TMEM131L: variants seen among roughly 807,000 people sequenced by gnomAD.
TMEM131L encodes transmembrane 131 like, also known as transmembrane protein 131-like.
TMEM131L carries 54 observed loss-of-function variants against 192.2 expected under a neutral mutation model. The ratio of observed to expected loss-of-function variants is 0.28; its 90% CI spans 0.23 to 0.35. The LOEUF is 0.35. Ranked by LOEUF, TMEM131L falls within the 10% of genes least tolerant of loss-of-function variation. TMEM131L has a pLI of 1.00. For synonymous variants in TMEM131L, 701 were observed against 704.9 expected (o/e 0.99, Z 0.09); for missense variants, 1,888 against 1,972.9 (o/e 0.96, Z 0.82).
At chr4:153,564,723 C>G (rs1729080414) in intron 7 of TMEM131L, among the ~76,000 whole-genome samples, 1 of 152,294 alleles carries the variant, frequency 6.6e-6, no homozygotes, top group East Asian at 1.9e-4. Context: ...CATTCTCTTT[C>G]TGCTCCAGTT....
At position 153,636,698 on chromosome 4, in the gene TMEM131L, A is replaced by AT; in HGVS notation, c.*128dup. On this transcript the variant is annotated 3_prime_UTR_variant, in exon 35 of 35. Coordinates refer to ENST00000409959, the MANE Select transcript of TMEM131L (RefSeq NM_001131007.2). ...TTTTGGCACTTTTATATGAAAATAA[A>AT]TTTTTTAATGAAATCTGGGTGCTCT... 5.2e-6 allele frequency: 5 copies of AT among 959,282 alleles called. No homozygotes were observed. In the South Asian group the frequency reaches 9.0e-5, roughly 17 times the overall value. The allele number at this position is 959,282 out of a possible 1,614,324, so 59.4% of individuals were successfully genotyped here.
chr4:153,519,988 C>T lies in TMEM131L; in HGVS notation c.240-30085C>T, dbSNP rs372567197. The stretch of plus-strand genomic sequence containing the variant: ...CCAAGTGAATGATATACACAATAGC[C>T]AGTTGCTCAGTGGAAGAACCAGAAA... On this transcript the variant is annotated intron_variant, in intron 3 of 34. Transcript: ENST00000409959. 5.6e-4 allele frequency among the ~76,000 whole-genome samples: 85 copies of T among 152,150 alleles called. 1 individual carries two copies. Among genetic ancestry groups the T allele is most frequent in the African/African-American group, 2.0e-3 (82 of 41,402 alleles).
chr4:153,521,347 G>T (rs569014947), intron 3 of TMEM131L, among the ~76,000 whole-genome samples: 2 of 152,092 alleles, frequency 1.3e-5, no homozygotes, highest in African/African-American at 2.4e-5. Flanking sequence ...TTTCAAATGC[G>T]TGTCTCCTCT....
chr4:153,597,082 T>C (rs556512517), intron 20 of TMEM131L, among the ~76,000 whole-genome samples: 35 of 152,248 alleles, frequency 2.3e-4, no homozygotes, highest in Non-Finnish European at 4.3e-4. Context: ...TAGTATCAGA[T>C]CACCTGGCAA....
chr4:153,505,503 C>G (rs1580092917), intron 3 of TMEM131L, among the ~76,000 whole-genome samples: 1 of 152,130 alleles, frequency 6.6e-6, no homozygotes, highest in Non-Finnish European at 1.5e-5. Context: ...AAGATCTTAT[C>G]TCCAAATATA....
chr4:153,550,277 A>T, intron 4 of TMEM131L, 136 bp downstream of exon 4: 1 of 464,508 alleles, frequency 2.2e-6, no homozygotes, highest in Non-Finnish European at 3.9e-6. Context: ...GGGACTTAAG[A>T]GAAATATTTT....
intron 3 of TMEM131L, among the ~76,000 whole-genome samples, chr4:153,529,287 C>T (rs558822173): frequency 5.9e-5 from 9 of 152,218 alleles, no homozygotes; most frequent in African/African-American, 2.2e-4. Context: ...TGGTACACAG[C>T]ATACTTCTAA....
intron 7 of TMEM131L, among the ~76,000 whole-genome samples, chr4:153,562,272 G>A (rs935712922): frequency 1.1e-4 from 16 of 152,110 alleles, no homozygotes; most frequent in African/African-American, 3.6e-4. Context: ...TCCTGACCTC[G>A]TGATCCGCCC....
chr4:153,564,769 A>G (rs542374808), intron 7 of TMEM131L, among the ~76,000 whole-genome samples: 1 of 152,168 alleles, frequency 6.6e-6, no homozygotes, highest in Non-Finnish European at 1.5e-5. Flanking sequence ...GTCATGTTAC[A>G]CAAAACTGTT....
Position 153,636,599 on chromosome 4 carries a change from T to A in TMEM131L, c.*23T>A. The A allele has an allele frequency of 6.2e-7, 1 of 1,603,410 alleles. No individual in the cohort carries two copies. Among genetic ancestry groups the A allele is most frequent in the Non-Finnish European group, 8.5e-7 (1 of 1,171,902 alleles). On this transcript the variant is annotated 3_prime_UTR_variant, in exon 35 of 35. Coordinates refer to ENST00000409959, the MANE Select transcript of TMEM131L (RefSeq NM_001131007.2). The stretch of plus-strand genomic sequence containing the variant: ...TGAAAATAATTGGATTTTTAAACAA[T>A]GTGAATAAAGAGGCTTGTGTTTTGA...
chr4:153,540,135 A>C (rs1212091207), intron 3 of TMEM131L, among the ~76,000 whole-genome samples: 1 of 151,526 alleles, frequency 6.6e-6, no homozygotes, highest in Non-Finnish European at 1.5e-5. Flanking sequence ...AAAAAACAAA[A>C]AAAAAAACCC....
chr4:153,466,474 TC>T lies in TMEM131L; in HGVS notation c.79del (p.Gln27ArgfsTer72). On this transcript the variant is annotated frameshift_variant, in exon 1 of 35. Coordinates refer to ENST00000409959, the MANE Select transcript of TMEM131L (RefSeq NM_001131007.2). LOFTEE classifies it high-confidence loss of function. ...AAAVNLLLGVFQVLLPCCRPG... is the reference protein window; with the variant it reads ...AAAVNLLLGVXQVLLPCCRPG... ...GCCGTGAACCTCCTGCTGGGCGTCT[TC>T]CAGGTCCTGCTGCCCTGCTGTCGCC... 1 of 1,421,166 alleles carries T rather than the reference TC, an allele frequency of 7.0e-7. No individual in the cohort carries two copies. The highest frequency in any genetic ancestry group is 2.1e-4 in the Middle Eastern group (1 of 4,684). 88.0% of individuals were successfully genotyped at this position (1,421,166 alleles called of 1,614,324 possible).
intron 19 of TMEM131L, among the ~76,000 whole-genome samples, chr4:153,594,546 A>T (rs539821730): frequency 3.3e-5 from 5 of 152,360 alleles, no homozygotes; most frequent in African/African-American, 1.2e-4. Flanking sequence ...GCATCTGTTG[A>T]CAAAAAATAC....
chr4:153,498,969 C>G (rs1733389372), intron 3 of TMEM131L, among the ~76,000 whole-genome samples: 1 of 152,192 alleles, frequency 6.6e-6, no homozygotes, highest in Admixed American at 6.5e-5. Flanking sequence ...GGTATGTAAG[C>G]CTGGAACTGT....
At chr4:153,623,839 T>C (rs533323802) in intron 29 of TMEM131L, among the ~76,000 whole-genome samples, 1 of 152,212 alleles carries the variant, frequency 6.6e-6, no homozygotes, top group South Asian at 2.1e-4. Flanking sequence ...GTCGGAGAGG[T>C]CACAGAAGCA....
In TMEM131L at chr4:153,623,005, T is replaced by A. The variant is rs1733550495; in HGVS notation, c.3967T>A (p.Trp1323Arg). ...SGSVRASRGS[W>R]GSWSSTSSSD... ...CAGCGTGCGTGCCAGCCGGGGCAGC[T>A]GGGGGAGCTGGAGCAGCACCAGCAG... The change falls in exon 29 of 35, where the codon TGG (tryptophan) becomes AGG (arginine). Residue 1323 changes from tryptophan to arginine, a missense_variant. By Grantham distance (101) the Trp-to-Arg change is moderately radical (BLOSUM62 -3). Transcript: ENST00000409959. 5 of 1,613,980 alleles carry A rather than the reference T, an allele frequency of 3.1e-6. No individual in the cohort carries two copies. The South Asian group carries it at 3.3e-5, about 11-fold the overall frequency.
At chr4:153,505,033 A>C (rs933827565) in intron 3 of TMEM131L, among the ~76,000 whole-genome samples, 1 of 151,810 alleles carries the variant, frequency 6.6e-6, no homozygotes, top group Non-Finnish European at 1.5e-5. Context: ...TTAGATGACT[A>C]TCTTCTCCCT....
chr4:153,551,448 G>A (rs1737616392), intron 4 of TMEM131L, among the ~76,000 whole-genome samples: 3 of 151,696 alleles, frequency 2.0e-5, no homozygotes, highest in South Asian at 2.1e-4. Flanking sequence ...GCCTCCGCCT[G>A]TTGGGTTCAA....
chr4:153,517,026 C>T (rs537907078), intron 3 of TMEM131L, among the ~76,000 whole-genome samples: 3 of 152,110 alleles, frequency 2.0e-5, no homozygotes, highest in South Asian at 2.1e-4. Context: ...GGGGTTTCAC[C>T]GTGTTGGCCA....
Sources: allele counts gnomAD v4.1 joint callset (sites outside exome capture counted in the v4.1 genomes callset), GRCh38; gene constraint gnomAD v4.1.1; transcripts MANE v1.5; gene names NCBI Gene and HGNC (gene_info 2026-07-23, HGNC 2026-07-21).